The following PREX2 variants were observed in gnomAD, a reference collection of about 807,000 sequenced individuals.
The protein encoded by PREX2 is phosphatidylinositol-3,4,5-trisphosphate dependent Rac exchange factor 2.
In PREX2, 107 loss-of-function variants were observed where a neutral mutation model predicts 203.2. That is an observed-to-expected ratio of 0.53 (90% confidence interval 0.45 to 0.62). PREX2 has a LOEUF of 0.62. Among genes scored for constraint, PREX2 ranks in the 20% least tolerant of loss-of-function variants. The pLI is 0.00. For synonymous variants in PREX2, 672 were observed against 663.6 expected (o/e 1.01, Z -0.19); for missense variants, 1,777 against 1,955.9 (o/e 0.91, Z 1.72).
chr8:68,201,534 C>T (rs537957998), intron 37 of PREX2, among the ~76,000 whole-genome samples: 3 of 152,294 alleles, frequency 2.0e-5, no homozygotes, highest in Admixed American at 6.5e-5. Flanking sequence ...AAGATGTAGT[C>T]TGGGAGGCTA....
intron 11 of PREX2, among the ~76,000 whole-genome samples, chr8:68,065,316 A>G (rs187706411): frequency 1.2e-3 from 185 of 152,350 alleles, no homozygotes; most frequent in African/African-American, 4.3e-3. Flanking sequence ...AAAAATGGGA[A>G]TAGGTAGATT....
intron 1 of PREX2, among the ~76,000 whole-genome samples, chr8:67,976,330 G>A (rs1176771854): frequency 2.6e-5 from 4 of 152,134 alleles, no homozygotes; most frequent in African/African-American, 7.2e-5. Flanking sequence ...AACTTGCTGT[G>A]AGATGCCTCA....
At chr8:68,217,301 G>GA (rs1299300682) in intron 37 of PREX2, among the ~76,000 whole-genome samples, 1 of 152,118 alleles carries the variant, frequency 6.6e-6, no homozygotes, top group Non-Finnish European at 1.5e-5. Context: ...TAAATTACAT[G>GA]AAATATCATT....
At chr8:68,180,065 A>G (rs1183393848) in intron 35 of PREX2, among the ~76,000 whole-genome samples, 1 of 151,998 alleles carries the variant, frequency 6.6e-6, no homozygotes, top group African/African-American at 2.4e-5. Context: ...TTCAATTACT[A>G]TTCATATCTG....
chr8:68,198,292 A>G (rs1812438619), intron 37 of PREX2, among the ~76,000 whole-genome samples: 1 of 152,058 alleles, frequency 6.6e-6, no homozygotes, highest in Non-Finnish European at 1.5e-5. Flanking sequence ...ATATCTTTTG[A>G]ATTTGTTTCT....
At chr8:68,048,148 T>A (rs1330514610) in intron 8 of PREX2, among the ~76,000 whole-genome samples, 1 of 152,078 alleles carries the variant, frequency 6.6e-6, no homozygotes, top group African/African-American at 2.4e-5. Flanking sequence ...AGATTTCAAC[T>A]CTCAGTGAAT....
chr8:67,974,496 A>G lies in PREX2; in HGVS notation c.141+21961A>G, dbSNP rs114514589. Among the ~76,000 whole-genome samples, 852 of 152,320 alleles carry G rather than the reference A, an allele frequency of 5.6e-3. 17 individuals carry two copies. The highest frequency in any genetic ancestry group is 0.02 in the African/African-American group (815 of 41,572). On this transcript the variant is annotated intron_variant, in intron 1 of 39. Transcript: ENST00000288368. ...ACATCAATTAGCTAAAATCCTACCT[A>G]GAAATATGCTAGTTCATTACATTTT...
At chr8:68,108,995 A>T in intron 24 of PREX2, 1 of 447,170 alleles carries the variant, frequency 2.2e-6, no homozygotes, top group South Asian at 1.6e-5. Context: ...AATATAAAAA[A>T]GTTGATCTCA....
At chr8:68,162,568 A>G (rs185577584) in intron 35 of PREX2, among the ~76,000 whole-genome samples, 29 of 152,260 alleles carry the variant, frequency 1.9e-4, no homozygotes, top group South Asian at 4.1e-4. Context: ...CTAGGTCCCT[A>G]ATATTTACAT....
At chr8:68,218,003 G>A (rs35195074) in intron 38 of PREX2, among the ~76,000 whole-genome samples, 9,901 of 152,272 alleles carry the variant, frequency 0.065, 528 homozygotes, top group African/African-American at 0.14. Context: ...TGAATTTGGC[G>A]TTTATGTAAG....
intron 8 of PREX2, among the ~76,000 whole-genome samples, chr8:68,045,302 T>A (rs1019914288): frequency 3.3e-5 from 5 of 152,064 alleles, no homozygotes; most frequent in Admixed American, 1.3e-4. Context: ...TAGTTAGAAT[T>A]TAAAAAATAT....
chr8:67,992,807 T>C (rs1806648270), intron 1 of PREX2, among the ~76,000 whole-genome samples: 1 of 152,206 alleles, frequency 6.6e-6, no homozygotes, highest in African/African-American at 2.4e-5. Context: ...GGAACTGTCT[T>C]CTTGTTAGAG....
intron 34 of PREX2, among the ~76,000 whole-genome samples, chr8:68,148,008 A>C (rs1811361709): frequency 6.6e-6 from 1 of 152,186 alleles, no homozygotes; most frequent in Admixed American, 6.5e-5. Context: ...GCACTTTGGG[A>C]GGCCGAGGCA....
intron 33 of PREX2, among the ~76,000 whole-genome samples, chr8:68,145,369 TG>T (rs1275235609): frequency 2.6e-5 from 4 of 152,210 alleles, no homozygotes; most frequent in African/African-American, 9.6e-5. Flanking sequence ...TGATCATAAA[TG>T]CCATTTAACC....
chr8:68,030,571 T>C lies in PREX2; in HGVS notation c.618T>C (p.Ala206=). 1 of 1,613,774 alleles carries C rather than the reference T, an allele frequency of 6.2e-7. No homozygotes were observed. Among genetic ancestry groups the C allele is most frequent in the Non-Finnish European group, 8.5e-7 (1 of 1,179,730 alleles). Residue 206 remains alanine (A), a synonymous_variant, in exon 6 of 40, where the codon GCT becomes GCC. Transcript: ENST00000288368. ...TGGAAGCCCTCCAAGCCATGAAAGC[T>C]GTCTGTTCCAACATAAACGAGGCCA... ...AVMEALQAMK[A]VCSNINEAKR... is the part of the protein sequence containing the mutation.
At chr8:67,986,204 G>A (rs771704048) in intron 1 of PREX2, among the ~76,000 whole-genome samples, 6 of 152,178 alleles carry the variant, frequency 3.9e-5, no homozygotes, top group Non-Finnish European at 8.8e-5. Flanking sequence ...ACAAGGCACA[G>A]TGTGTGTATA....
chr8:68,204,678 C>CTTTTTTTTTTTTTTTTTTTTTTTTTTTT (rs1192583427), intron 37 of PREX2, among the ~76,000 whole-genome samples: 7 of 83,426 alleles, frequency 8.4e-5, no homozygotes, highest in Non-Finnish European at 1.3e-4. Context: ...TTTCTTCTTT[C>CTTTTTTTTTTTTTTTTTTTTTTTTTTTT]TTTTTTTTTT....
At position 68,077,426 on chromosome 8, in the gene PREX2, G is replaced by C; in HGVS notation, c.1599G>C (p.Met533Ile). The C allele has an allele frequency of 6.2e-7, 1 of 1,613,926 alleles. No homozygotes were observed. The highest frequency in any genetic ancestry group is 8.5e-7 in the Non-Finnish European group (1 of 1,179,830). ...ATTGCCGCACCAGAGAAGAGGCAATGATATTTGGCGTTGGACTCTGTGACA... is the reference window on the plus strand; with the variant it reads ...ATTGCCGCACCAGAGAAGAGGCAATCATATTTGGCGTTGGACTCTGTGACA... ...QGDCRTREEA[M>I]IFGVGLCDNG... The change falls in exon 15 of 40, where the codon ATG becomes ATC. Residue 533 changes from methionine (M) to isoleucine (I), a missense_variant. Transcript: ENST00000288368.
At chr8:68,109,673 A>C (rs1217203727) in intron 25 of PREX2, 50 bp downstream of exon 25, 1 of 1,481,666 alleles carries the variant, frequency 6.7e-7, no homozygotes, top group Non-Finnish European at 9.4e-7. Flanking sequence ...AATAGCCATA[A>C]AAATGTGGCT....
Sources: gnomAD v4.1 joint callset for allele counts (sites outside exome capture counted in the v4.1 genomes callset) on GRCh38, gnomAD v4.1.1 for gene constraint, MANE v1.5 for transcripts, NCBI Gene and HGNC (gene_info 2026-07-23, HGNC 2026-07-21) for gene names.